TCERG1L: variants seen among roughly 807,000 people sequenced by gnomAD.
The protein encoded by TCERG1L is transcription elongation regulator 1-like protein.
TCERG1L carries 37 observed loss-of-function variants against 56.3 expected under a neutral mutation model. The ratio of observed to expected loss-of-function variants is 0.66; its 90% CI spans 0.51 to 0.87. The LOEUF (loss-of-function observed/expected upper bound fraction) is 0.87. Ranked by LOEUF, TCERG1L falls within the 40% of genes least tolerant of loss-of-function variation. TCERG1L has a pLI of 0.00. For missense variants in TCERG1L, 799 were observed against 774.2 expected (o/e 1.03, Z -0.38); for synonymous variants, 324 against 326.3 (o/e 0.99, Z 0.08).
chr10:131,135,777 T>A (rs1177003074), intron 7 of TCERG1L, among the ~76,000 whole-genome samples: 1 of 152,206 alleles, frequency 6.6e-6, no homozygotes, highest in African/African-American at 2.4e-5. Flanking sequence ...AAGGCTGCAG[T>A]ATCCATCATG....
intron 7 of TCERG1L, among the ~76,000 whole-genome samples, chr10:131,145,275 G>A (rs1845783444): frequency 6.6e-6 from 1 of 152,184 alleles, no homozygotes; most frequent in Non-Finnish European, 1.5e-5. Context: ...GGTGCTTCCT[G>A]TCATGATTTT....
intron 4 of TCERG1L, among the ~76,000 whole-genome samples, chr10:131,214,974 G>C (rs1845654412): frequency 6.6e-6 from 1 of 152,220 alleles, no homozygotes; most frequent in Non-Finnish European, 1.5e-5. Flanking sequence ...CGGGGGCCCT[G>C]TTTCTGCCCT....
intron 4 of TCERG1L, among the ~76,000 whole-genome samples, chr10:131,203,429 A>T (rs955018328): frequency 6.6e-6 from 1 of 152,084 alleles, no homozygotes; most frequent in African/African-American, 2.4e-5. Context: ...GACCTCTTTG[A>T]CCAGACAGCA....
rs1169739504 is a variant in TCERG1L, at chr10:131,176,979, C to T, written c.857-10094G>A. On this transcript the variant is annotated intron_variant, in intron 4 of 11. Coordinates refer to ENST00000368642, the MANE Select transcript of TCERG1L (RefSeq NM_174937.4). ...GTGTACACACAGAGACACATGAACA[C>T]ACACCAAGACAGGTGTACACACAGA... Among the ~76,000 whole-genome samples, 3 of 143,210 alleles carry T rather than the reference C, an allele frequency of 2.1e-5. 1 individual carries two copies. Among genetic ancestry groups the T allele is most frequent in the African/African-American group, 7.4e-5 (3 of 40,660 alleles). The allele number at this position is 143,210 out of a possible 152,430, so 94.0% of individuals were successfully genotyped here.
chr10:131,094,265 C>T (rs1845217916), intron 11 of TCERG1L, among the ~76,000 whole-genome samples: 4 of 152,220 alleles, frequency 2.6e-5, no homozygotes, highest in Non-Finnish European at 4.4e-5. Context: ...CAGCGACAGT[C>T]GGGCAGGGCC....
chr10:131,199,897 T>G (rs2133472512), intron 4 of TCERG1L, among the ~76,000 whole-genome samples: 1 of 152,296 alleles, frequency 6.6e-6, no homozygotes, highest in Non-Finnish European at 1.5e-5. Context: ...AACCTAGAAG[T>G]GTGTCCCGGC....
chr10:131,240,868 G>A lies in TCERG1L; in HGVS notation c.856+19391C>T, dbSNP rs574639086. On this transcript the variant is annotated intron_variant, in intron 4 of 11. Coordinates refer to ENST00000368642, the MANE Select transcript of TCERG1L (RefSeq NM_174937.4). ...GGGAGCTGATTATGAGATAGGAGAG[G>A]TGGAGAAACCGGCGTGCAGGTCCCC... Among the ~76,000 whole-genome samples, 4 of 152,346 alleles carry A rather than the reference G, an allele frequency of 2.6e-5. No individual in the cohort carries two copies. In the South Asian group the frequency reaches 8.3e-4, roughly 32 times the overall value.
intron 3 of TCERG1L, among the ~76,000 whole-genome samples, chr10:131,266,286 C>G (rs940104541): frequency 6.6e-6 from 1 of 152,194 alleles, no homozygotes; most frequent in African/African-American, 2.4e-5. Context: ...TCTTGAAACC[C>G]CTGAAATCAT....
chr10:131,122,595 C>A (rs1301285625), intron 8 of TCERG1L, among the ~76,000 whole-genome samples: 1 of 152,202 alleles, frequency 6.6e-6, no homozygotes. Flanking sequence ...CTTTCCCAGT[C>A]TCACCCCATG....
chr10:131,305,632 TTAC>T (rs1261117317), intron 3 of TCERG1L, among the ~76,000 whole-genome samples: 1 of 151,976 alleles, frequency 6.6e-6, no homozygotes, highest in Admixed American at 6.6e-5. Flanking sequence ...TACAGAAAAA[TTAC>T]TACCTCTCCA....
chr10:131,247,678 T>C (rs2133528888), intron 4 of TCERG1L, among the ~76,000 whole-genome samples: 1 of 152,056 alleles, frequency 6.6e-6, no homozygotes, highest in Non-Finnish European at 1.5e-5. Flanking sequence ...GGAGATGAAC[T>C]TTCCCTTCTC....
intron 4 of TCERG1L, among the ~76,000 whole-genome samples, chr10:131,227,876 A>T (rs987808095): frequency 1.3e-5 from 2 of 152,102 alleles, no homozygotes; most frequent in Non-Finnish European, 2.9e-5. Flanking sequence ...ACCTGAGCGC[A>T]ACTATCTTCC....
chr10:131,238,004 C>A (rs1283560712), intron 4 of TCERG1L, among the ~76,000 whole-genome samples: 1 of 152,212 alleles, frequency 6.6e-6, no homozygotes, highest in African/African-American at 2.4e-5. Context: ...AAGTGTGGTA[C>A]AATCAATGGC....
At chr10:131,157,412 A>G (rs1307163059) in intron 6 of TCERG1L, among the ~76,000 whole-genome samples, 2 of 152,252 alleles carry the variant, frequency 1.3e-5, no homozygotes, top group Admixed American at 6.5e-5. Context: ...GATGTTGATT[A>G]ATCATTGTTT....
chr10:131,200,437 A>T (rs1219674711), intron 4 of TCERG1L, among the ~76,000 whole-genome samples: 1 of 152,212 alleles, frequency 6.6e-6, no homozygotes, highest in Non-Finnish European at 1.5e-5. Context: ...TCAAACCTCG[A>T]GATGTAATGC....
intron 8 of TCERG1L, among the ~76,000 whole-genome samples, chr10:131,132,075 T>G (rs1845624191): frequency 6.6e-6 from 1 of 152,210 alleles, no homozygotes; most frequent in South Asian, 2.1e-4. Context: ...GCAGGAGGCG[T>G]GCAGGTTGGT....
intron 4 of TCERG1L, among the ~76,000 whole-genome samples, chr10:131,217,297 C>T (rs1006403766): frequency 6.6e-6 from 1 of 152,080 alleles, no homozygotes; most frequent in Non-Finnish European, 1.5e-5. Flanking sequence ...ATGTAGGACG[C>T]CTGCTCCACC....
At chr10:131,134,569 A>G in intron 7 of TCERG1L, 121 bp from the exon 8 acceptor site, 1 of 733,712 alleles carries the variant, frequency 1.4e-6, no homozygotes, top group Non-Finnish European at 2.3e-6. Flanking sequence ...GGCTTCTCTT[A>G]AAGATTGATG....
chr10:131,293,899 T>A (rs556116909), intron 3 of TCERG1L, among the ~76,000 whole-genome samples: 19 of 152,340 alleles, frequency 1.2e-4, no homozygotes, highest in African/African-American at 4.3e-4. Flanking sequence ...TTTTGTAGCC[T>A]TTTAACTTCA....
Sources: gnomAD v4.1 joint callset for allele counts (sites outside exome capture counted in the v4.1 genomes callset) on GRCh38, gnomAD v4.1.1 for gene constraint, MANE v1.5 for transcripts, NCBI Gene and HGNC (gene_info 2026-07-23, HGNC 2026-07-21) for gene names.